Variants in FHIT observed in about 807,000 individuals in gnomAD.
FHIT encodes bis(5'-adenosyl)-triphosphatase.
Under a neutral mutation model 17.9 loss-of-function variants are expected in FHIT, and 19 were observed. That is an observed-to-expected ratio of 1.06 (90% CI 0.74 to 1.56). FHIT has a LOEUF of 1.56. Among genes scored for constraint, FHIT ranks in the 40% most tolerant of loss-of-function variants. FHIT has a pLI of 0.00. For synonymous variants in FHIT, 81 were observed against 69.7 expected (o/e 1.16, Z -0.81); for missense variants, 248 against 189.2 (o/e 1.31, Z -1.82).
intron 4 of FHIT, chr3:60,596,033 C>A (rs1553666335): frequency 5.3e-6 from 1 of 188,278 alleles, no homozygotes; most frequent in African/African-American, 2.4e-5. Context: ...GAAAAACTCT[C>A]TTCTCTCCAT....
chr3:60,762,567 C>T (rs1395655161), intron 4 of FHIT, among the ~76,000 whole-genome samples: 2 of 152,154 alleles, frequency 1.3e-5, no homozygotes, highest in African/African-American at 2.4e-5. Flanking sequence ...AAAATAAGCC[C>T]CTCCTTGGTC....
chr3:60,852,094 G>A (rs185670447), intron 3 of FHIT, among the ~76,000 whole-genome samples: 28 of 152,102 alleles, frequency 1.8e-4, no homozygotes, highest in Admixed American at 1.8e-3. Context: ...CCTAATGTGT[G>A]TGGACTTCAT....
At chr3:60,904,304 T>C (rs1441944888) in intron 3 of FHIT, among the ~76,000 whole-genome samples, 2 of 152,166 alleles carry the variant, frequency 1.3e-5, no homozygotes, top group African/African-American at 4.8e-5. Context: ...CAACCTCTAC[T>C]GGAATTAATC....
At chr3:60,498,611 T>G (rs1229611791) in intron 5 of FHIT, among the ~76,000 whole-genome samples, 2 of 152,182 alleles carry the variant, frequency 1.3e-5, no homozygotes, top group East Asian at 3.9e-4. Context: ...GATATCATGG[T>G]GTGTAGCTTC....
chr3:60,850,994 T>TC (rs1703132096), intron 3 of FHIT, among the ~76,000 whole-genome samples: 1 of 152,032 alleles, frequency 6.6e-6, no homozygotes. Flanking sequence ...TTACACTCAC[T>TC]CCCATATACA....
At chr3:60,120,878 C>T (rs555352711) in intron 5 of FHIT, among the ~76,000 whole-genome samples, 1 of 151,768 alleles carries the variant, frequency 6.6e-6, no homozygotes, top group East Asian at 1.9e-4. Context: ...CACATAGCAG[C>T]GAACAACTTT....
chr3:60,626,681 C>A (rs2039295964), intron 4 of FHIT, among the ~76,000 whole-genome samples: 1 of 150,576 alleles, frequency 6.6e-6, no homozygotes, highest in East Asian at 2.0e-4. Flanking sequence ...AATGCAGTTT[C>A]TTTTTCTTGC....
chr3:60,520,559 G>A (rs1048331447), intron 5 of FHIT, among the ~76,000 whole-genome samples: 1 of 152,124 alleles, frequency 6.6e-6, no homozygotes, highest in Non-Finnish European at 1.5e-5. Context: ...AGCATGTACA[G>A]GCTGAACACT....
intron 4 of FHIT, among the ~76,000 whole-genome samples, chr3:60,789,080 T>G (rs927501195): frequency 4.0e-5 from 6 of 150,202 alleles, no homozygotes; most frequent in African/African-American, 9.8e-5. Context: ...TATACATATA[T>G]AGAGAGAGAG....
intron 5 of FHIT, among the ~76,000 whole-genome samples, chr3:60,317,787 T>C (rs1709232161): frequency 9.7e-6 from 1 of 103,480 alleles, no homozygotes; most frequent in Non-Finnish European, 1.7e-5. Flanking sequence ...AAGTTTTTCT[T>C]CTTTTTTTTT....
intron 4 of FHIT, among the ~76,000 whole-genome samples, chr3:60,638,791 A>T (rs2039653662): frequency 6.6e-6 from 1 of 151,982 alleles, no homozygotes; most frequent in South Asian, 2.1e-4. Context: ...CAAAAATGCA[A>T]ATCAGAAATC....
At chr3:60,611,107 G>C (rs1269003502) in intron 4 of FHIT, among the ~76,000 whole-genome samples, 1 of 152,164 alleles carries the variant, frequency 6.6e-6, no homozygotes, top group Non-Finnish European at 1.5e-5. Flanking sequence ...ATTTAGCCCA[G>C]TAATTGTGGC....
At chr3:60,050,043 T>C (rs1701809250) in intron 5 of FHIT, among the ~76,000 whole-genome samples, 2 of 152,196 alleles carry the variant, frequency 1.3e-5, no homozygotes, top group African/African-American at 4.8e-5. Flanking sequence ...ATACTGAAAG[T>C]GTACATATTA....
chr3:60,417,210 T>C (rs540485775), intron 5 of FHIT, among the ~76,000 whole-genome samples: 1 of 152,286 alleles, frequency 6.6e-6, no homozygotes, highest in South Asian at 2.1e-4. Context: ...TAATACTATG[T>C]TAGCAAAAAG....
intron 2 of FHIT, among the ~76,000 whole-genome samples, chr3:61,042,460 A>G (rs2033565801): frequency 6.6e-6 from 1 of 152,192 alleles, no homozygotes; most frequent in Non-Finnish European, 1.5e-5. Context: ...CCATGAGCTG[A>G]TTATTTTTAA....
chr3:60,121,709 A>AACACACACAC (rs57250663), intron 5 of FHIT, among the ~76,000 whole-genome samples: 4 of 116,336 alleles, frequency 3.4e-5, no homozygotes, highest in Non-Finnish European at 7.5e-5. Flanking sequence ...AAACAAAACA[A>AACACACACAC]ACACACACAC....
chr3:59,859,427 T>A (rs499323), intron 8 of FHIT, among the ~76,000 whole-genome samples: 83,234 of 152,038 alleles, frequency 0.55, 24,068 homozygotes, highest in African/African-American at 0.74. Context: ...AGAATAAAAA[T>A]CCATTCCAGG....
At chr3:60,744,419 A>C (rs139364729) in intron 4 of FHIT, among the ~76,000 whole-genome samples, 3,151 of 152,146 alleles carry the variant, frequency 0.021, 46 homozygotes, top group Middle Eastern at 0.048. Flanking sequence ...CAGTGAAAAC[A>C]ACGAAAGCTC....
chr3:60,279,120 A>C (rs189573408), intron 5 of FHIT, among the ~76,000 whole-genome samples: 4 of 152,146 alleles, frequency 2.6e-5, no homozygotes, highest in African/African-American at 9.6e-5. Flanking sequence ...CAAAAGATCA[A>C]TAAAATTGCT....
Sources: gnomAD v4.1 joint callset for allele counts (sites outside exome capture counted in the v4.1 genomes callset) on GRCh38, gnomAD v4.1.1 for gene constraint, MANE v1.5 for transcripts, NCBI Gene and HGNC (gene_info 2026-07-23, HGNC 2026-07-21) for gene names.